Variants in CELF2 observed in about 807,000 individuals in gnomAD.
CELF2 encodes CUGBP Elav-like family member 2, also known as CUG triplet repeat RNA-binding protein 2.
In CELF2, 8 loss-of-function variants were observed where a neutral mutation model predicts 62.6. The observed-to-expected ratio is 0.13, with a 90% CI of 0.07 to 0.23. The LOEUF is 0.23. Among genes scored for constraint, CELF2 ranks in the 10% least tolerant of loss-of-function variants. The pLI is 1.00. For synonymous variants in CELF2, 258 were observed against 250.0 expected (o/e 1.03, Z -0.30); for missense variants, 333 against 671.0 (o/e 0.50, Z 5.56).
chr10:11,028,206 T>C (rs1293705017), intron 1 of CELF2, among the ~76,000 whole-genome samples: 1 of 152,162 alleles, frequency 6.6e-6, no homozygotes, highest in Non-Finnish European at 1.5e-5. Flanking sequence ...TTCTGTGAAC[T>C]AGTGGTCAGA....
chr10:11,250,575 G>C (rs1033191161), intron 4 of CELF2, among the ~76,000 whole-genome samples: 2 of 152,184 alleles, frequency 1.3e-5, no homozygotes, highest in African/African-American at 4.8e-5. Context: ...CGTGTGCCAC[G>C]CATGTTGCTA....
chr10:10,747,434 C>T, the CELF2 span, among the ~76,000 whole-genome samples: 22 of 151,974 alleles, frequency 1.4e-4, no homozygotes, highest in African/African-American at 4.8e-4. Context: ...GCAAGTGCAA[C>T]GAAGGAAAGG....
At chr10:10,965,788 A>T (rs2050060324) in intron 2 of CELF2, among the ~76,000 whole-genome samples, 1 of 152,242 alleles carries the variant, frequency 6.6e-6, no homozygotes. Flanking sequence ...TCAGGCTATG[A>T]ATGAATAACT....
At chr10:10,797,709 C>G (rs61832073), upstream of CELF2, among the ~76,000 whole-genome samples, 5,572 of 152,312 alleles carry the variant, frequency 0.037, 111 homozygotes, top group Non-Finnish European at 0.049. Flanking sequence ...TTCCAGGATC[C>G]TGAGGGCAGG....
At chr10:10,805,976 G>T (rs1392755684) in intron 1 of CELF2, among the ~76,000 whole-genome samples, 1 of 152,146 alleles carries the variant, frequency 6.6e-6, no homozygotes, top group East Asian at 1.9e-4. Flanking sequence ...AGTAATGGTT[G>T]GAGCTGACTG....
chr10:10,627,164 G>A, the CELF2 span, among the ~76,000 whole-genome samples: 1 of 152,154 alleles, frequency 6.6e-6, no homozygotes, highest in East Asian at 1.9e-4. Context: ...TTCCTAAAAG[G>A]AGGTGAACAA....
chr10:10,957,495 A>G lies in CELF2; in HGVS notation c.89+37496A>G, dbSNP rs1592397800. 6.6e-6 allele frequency among the ~76,000 whole-genome samples: 1 copy of G among 152,180 alleles called. No individual in the cohort carries two copies. Among genetic ancestry groups the G allele is most frequent in the Non-Finnish European group, 1.5e-5 (1 of 68,026 alleles). ...TGGAATTAACCAGGATCTACTTTAA[A>G]CAACCGTCAGACCACCAGGCATTTG... On this transcript the variant is annotated intron_variant, in intron 2 of 13. Transcript: ENST00000636488. This position sits in a 1 kb window ranked among gnomAD's most constrained non-coding sequence, Gnocchi z 4.1.
chr10:10,640,237 A>G, the CELF2 span, among the ~76,000 whole-genome samples: 1 of 152,148 alleles, frequency 6.6e-6, no homozygotes, highest in African/African-American at 2.4e-5. Context: ...GCCTCTAATA[A>G]TGTTTTGACA....
At chr10:10,765,758 A>T in the CELF2 span, among the ~76,000 whole-genome samples, 1 of 152,202 alleles carries the variant, frequency 6.6e-6, no homozygotes, top group African/African-American at 2.4e-5. Flanking sequence ...TCCATTGCTT[A>T]TCTGAAGGGC....
chr10:11,051,407 C>A (rs758873859), intron 1 of CELF2, among the ~76,000 whole-genome samples: 5 of 152,172 alleles, frequency 3.3e-5, no homozygotes, highest in Admixed American at 2.0e-4. Context: ...TTAAATCTGG[C>A]AGTATCCTTA....
intron 1 of CELF2, among the ~76,000 whole-genome samples, chr10:11,021,936 G>A (rs2058382081): frequency 6.6e-6 from 1 of 152,124 alleles, no homozygotes; most frequent in African/African-American, 2.4e-5. Flanking sequence ...TTCCAATTCG[G>A]TTATTCCATA....
At chr10:11,264,572 T>C (rs2138265134) in intron 5 of CELF2, among the ~76,000 whole-genome samples, 1 of 152,362 alleles carries the variant, frequency 6.6e-6, no homozygotes, top group East Asian at 1.9e-4. Context: ...AAAAATCTCT[T>C]AGTGTTATTT....
At position 11,329,245 on chromosome 10, in the gene CELF2, G is replaced by T. The variant is rs1426168532; in HGVS notation, c.*192G>T. On this transcript the variant is annotated 3_prime_UTR_variant, in exon 13 of 13. Coordinates refer to ENST00000633077, the MANE Select transcript of CELF2 (RefSeq NM_001326342.2). This position sits in a 1 kb window ranked among gnomAD's most constrained non-coding sequence, Gnocchi z 5.5. ...CCCAGTTTGCCATAATTAAAACTTG[G>T]GCTACTTTGTTTCTATTGAGTAATT... 2.3e-6 allele frequency: 1 copy of T among 434,448 alleles called. No individual in the cohort carries two copies. Among genetic ancestry groups the T allele is most frequent in the Non-Finnish European group, 3.9e-6 (1 of 254,632 alleles). 26.9% of individuals were successfully genotyped at this position (434,448 alleles called of 1,614,324 possible).
At chr10:10,697,088 A>G in the CELF2 span, among the ~76,000 whole-genome samples, 1 of 151,560 alleles carries the variant, frequency 6.6e-6, no homozygotes, top group East Asian at 1.9e-4. Flanking sequence ...AACACATGTT[A>G]TTATGATGAT....
At chr10:11,054,577 T>TA (rs2064795927) in intron 1 of CELF2, among the ~76,000 whole-genome samples, 2 of 152,088 alleles carry the variant, frequency 1.3e-5, no homozygotes, top group African/African-American at 4.8e-5. Context: ...ACCTTGTCTT[T>TA]ATCTCATTTC....
intron 2 of CELF2, among the ~76,000 whole-genome samples, chr10:11,206,343 A>G (rs2060431074): frequency 6.6e-6 from 1 of 152,256 alleles, no homozygotes. Flanking sequence ...CATTGCCACT[A>G]GCCTCCTAAT....
In CELF2 at chr10:11,331,412, T is replaced by TAATTGTGGACTATTTAG. The variant is rs2096016491; in HGVS notation, c.*2361_*2377dup. ...TGTGAAGCATTGATGTCATTTTTTT[T>TAATTGTGGACTATTTAG]AATTGTGGACTATTTAGATGTGTTT... On this transcript the variant is annotated 3_prime_UTR_variant, in exon 13 of 13. Coordinates refer to ENST00000633077, the MANE Select transcript of CELF2 (RefSeq NM_001326342.2). 1 of 151,986 alleles carries TAATTGTGGACTATTTAG rather than the reference T, an allele frequency of 6.6e-6. No homozygotes were observed. Among genetic ancestry groups the TAATTGTGGACTATTTAG allele is most frequent in the African/African-American group, 2.4e-5 (1 of 41,334 alleles). The allele number at this position is 151,986 out of a possible 1,614,324, so 9.4% of individuals were successfully genotyped here.
At chr10:11,078,178 T>C (rs1053424639) in intron 1 of CELF2, among the ~76,000 whole-genome samples, 6 of 26,682 alleles carry the variant, frequency 2.2e-4, no homozygotes, top group African/African-American at 1.1e-3. Context: ...ACATTCAGTC[T>C]ATTTATAAAA....
intron 1 of CELF2, among the ~76,000 whole-genome samples, chr10:11,034,580 G>A (rs1191217286): frequency 6.6e-6 from 1 of 152,138 alleles, no homozygotes; most frequent in Non-Finnish European, 1.5e-5. Flanking sequence ...CCTCTTCTGT[G>A]ATCTTGGCCA....
Sources: allele counts gnomAD v4.1 joint callset (sites outside exome capture counted in the v4.1 genomes callset), GRCh38; gene constraint gnomAD v4.1.1; non-coding constraint Gnocchi (gnomAD v3.1); transcripts MANE v1.5; gene names NCBI Gene and HGNC (gene_info 2026-07-23, HGNC 2026-07-21).